The following EFCAB11 variants were observed in gnomAD, a reference collection of about 807,000 sequenced individuals.
The protein encoded by EFCAB11 is EF-hand calcium binding domain 11.
EFCAB11 carries 14 observed loss-of-function variants against 23.0 expected under a neutral mutation model. The ratio of observed to expected loss-of-function variants is 0.61; its 90% CI spans 0.40 to 0.95. EFCAB11 has a LOEUF of 0.95. Among genes scored for constraint, EFCAB11 ranks in the 40% least tolerant of loss-of-function variants. The probability of loss-of-function intolerance (pLI) is 0.00; values close to 1 mark genes in which losing one functional copy is unlikely to be tolerated. For missense variants in EFCAB11, 198 were observed against 195.8 expected (o/e 1.01, Z -0.07); for synonymous variants, 65 against 66.6 (o/e 0.98, Z 0.11).
intron 3 of EFCAB11, among the ~76,000 whole-genome samples, chr14:89,947,766 A>G (rs963577529): frequency 2.6e-5 from 4 of 151,992 alleles, no homozygotes; most frequent in Non-Finnish European, 5.9e-5. Context: ...TCTACTGGCT[A>G]GAGTTCTTAA....
chr14:89,881,926 G>A (rs61998720), intron 5 of EFCAB11, among the ~76,000 whole-genome samples: 3,634 of 152,214 alleles, frequency 0.024, 70 homozygotes, highest in Non-Finnish European at 0.036. Context: ...TTAAACATAG[G>A]AGCATGTATG....
chr14:89,906,309 C>T (rs1159709769), intron 5 of EFCAB11, among the ~76,000 whole-genome samples: 1 of 152,042 alleles, frequency 6.6e-6, no homozygotes, highest in Non-Finnish European at 1.5e-5. Flanking sequence ...TTCATGATTA[C>T]CTGATATATC....
At chr14:89,934,105 G>A (rs1890492945) in intron 3 of EFCAB11, among the ~76,000 whole-genome samples, 1 of 152,204 alleles carries the variant, frequency 6.6e-6, no homozygotes, top group Admixed American at 6.5e-5. Flanking sequence ...GCTCTTGTGG[G>A]CCACAGTAAA....
At chr14:89,869,484 G>A (rs1265924131) in intron 5 of EFCAB11, among the ~76,000 whole-genome samples, 2 of 151,984 alleles carry the variant, frequency 1.3e-5, no homozygotes, top group African/African-American at 4.8e-5. Context: ...ACTTCTATGA[G>A]GTTAAAAAAA....
At chr14:89,875,305 C>T (rs745564268) in intron 5 of EFCAB11, among the ~76,000 whole-genome samples, 15 of 152,156 alleles carry the variant, frequency 9.9e-5, no homozygotes, top group Non-Finnish European at 1.9e-4. Flanking sequence ...ACTGGAAAAA[C>T]CCACCCCCAT....
intron 5 of EFCAB11, among the ~76,000 whole-genome samples, chr14:89,862,312 A>AT (rs150881529): frequency 0.03 from 4,579 of 151,782 alleles, 85 homozygotes; most frequent in African/African-American, 0.06. Context: ...TACTAAAAGC[A>AT]TTTTTTTTTA....
chr14:89,870,194 G>A (rs1888222104), intron 5 of EFCAB11, among the ~76,000 whole-genome samples: 1 of 152,168 alleles, frequency 6.6e-6, no homozygotes, highest in South Asian at 2.1e-4. Flanking sequence ...AAAATTAACT[G>A]TATCTAGAAT....
At chr14:89,835,279 C>G (rs8009584) in intron 5 of EFCAB11, among the ~76,000 whole-genome samples, 2,112 of 152,290 alleles carry the variant, frequency 0.014, 54 homozygotes, top group African/African-American at 0.048. Flanking sequence ...TCTGAAATGC[C>G]TGGAACCAGA....
intron 5 of EFCAB11, among the ~76,000 whole-genome samples, chr14:89,915,539 C>A (rs1206644452): frequency 6.6e-6 from 1 of 152,146 alleles, no homozygotes; most frequent in Admixed American, 6.5e-5. Flanking sequence ...GCATTTATTT[C>A]ATATTTAATT....
chr14:89,827,686 C>T (rs1008607010), intron 5 of EFCAB11, among the ~76,000 whole-genome samples: 6 of 134,816 alleles, frequency 4.5e-5, no homozygotes, highest in East Asian at 2.3e-4. Context: ...CAGGCTGGAG[C>T]GCAATGGTGC....
chr14:89,844,975 G>C (rs1003356476), intron 5 of EFCAB11, among the ~76,000 whole-genome samples: 1 of 152,044 alleles, frequency 6.6e-6, no homozygotes. Flanking sequence ...AGGGGGCGGG[G>C]TTATAAGGAT....
chr14:89,884,249 A>G (rs1888685419), intron 5 of EFCAB11, among the ~76,000 whole-genome samples: 1 of 152,240 alleles, frequency 6.6e-6, no homozygotes, highest in African/African-American at 2.4e-5. Context: ...CTATTGGTCT[A>G]CTGCATATCA....
chr14:89,847,741 C>CAAAAAAAAAAAAAAA (rs561016492), intron 5 of EFCAB11, among the ~76,000 whole-genome samples: 1 of 92,090 alleles, frequency 1.1e-5, no homozygotes, highest in African/African-American at 3.9e-5. Context: ...CTCTGTCTCA[C>CAAAAAAAAAAAAAAA]AAAAAAAAAA....
At chr14:89,871,244 GC>G (rs1405610161) in intron 5 of EFCAB11, among the ~76,000 whole-genome samples, 1 of 152,140 alleles carries the variant, frequency 6.6e-6, no homozygotes, top group African/African-American at 2.4e-5. Context: ...AGTATTACAT[GC>G]CCTACCATCC....
At chr14:89,818,870 G>A (rs1171559220) in intron 5 of EFCAB11, among the ~76,000 whole-genome samples, 2 of 152,142 alleles carry the variant, frequency 1.3e-5, no homozygotes, top group Non-Finnish European at 2.9e-5. Context: ...TACAAAGATC[G>A]AGTGTTAGTG....
chr14:89,914,417 G>A (rs763115364), intron 5 of EFCAB11, among the ~76,000 whole-genome samples: 12 of 152,130 alleles, frequency 7.9e-5, no homozygotes, highest in Non-Finnish European at 1.3e-4. Context: ...CAACTCTGAG[G>A]GGAAGATGTT....
intron 5 of EFCAB11, among the ~76,000 whole-genome samples, chr14:89,851,283 G>A (rs1373130163): frequency 6.6e-6 from 1 of 152,068 alleles, no homozygotes; most frequent in Non-Finnish European, 1.5e-5. Flanking sequence ...TGCCCCACTT[G>A]GGTTTTGTTC....
At position 89,930,758 on chromosome 14, in the gene EFCAB11, G is replaced by T. The variant is rs188733422; in HGVS notation, c.410+783C>A. 2.2e-3 allele frequency among the ~76,000 whole-genome samples: 335 copies of T among 152,308 alleles called. 3 individuals are homozygous for T. Among genetic ancestry groups the T allele is most frequent in the Non-Finnish European group, 2.4e-3 (163 of 68,024 alleles). ...CTGGTTTGCCTATGTTTATATGGCAGAGAAATGAATTTCTATATTTTTTGA... is the reference window on the plus strand; with the variant it reads ...CTGGTTTGCCTATGTTTATATGGCATAGAAATGAATTTCTATATTTTTTGA... On this transcript the variant is annotated intron_variant, in intron 5 of 5. Transcript: ENST00000316738.
At chr14:89,814,897 C>T (rs758887174) in intron 5 of EFCAB11, among the ~76,000 whole-genome samples, 2 of 152,064 alleles carry the variant, frequency 1.3e-5, no homozygotes, top group Non-Finnish European at 2.9e-5. Flanking sequence ...CAGGCTGGTC[C>T]CATTGGACAA....
Sources: gnomAD v4.1 joint callset for allele counts (sites outside exome capture counted in the v4.1 genomes callset) on GRCh38, gnomAD v4.1.1 for gene constraint, MANE v1.5 for transcripts, NCBI Gene and HGNC (gene_info 2026-07-23, HGNC 2026-07-21) for gene names.